CTNNA3: variants seen among roughly 807,000 people sequenced by gnomAD.
The protein encoded by CTNNA3 is catenin alpha 3, also known as catenin alpha-3.
Under a neutral mutation model 95.7 loss-of-function variants are expected in CTNNA3, and 76 were observed. That is an observed-to-expected ratio of 0.79 (90% CI 0.66 to 0.96). The LOEUF is 0.96. Ranked by LOEUF, CTNNA3 falls within the 40% of genes least tolerant of loss-of-function variation. CTNNA3 has a pLI of 0.00. For synonymous variants in CTNNA3, 431 were observed against 374.4 expected, an observed-to-expected ratio of 1.15 and a Z score of -1.74; for missense variants, 1,191 against 1,089.8, an observed-to-expected ratio of 1.09 and a Z score of -1.31.
intron 7 of CTNNA3, among the ~76,000 whole-genome samples, chr10:66,897,083 A>T (rs974066602): frequency 1.3e-5 from 2 of 152,178 alleles, no homozygotes; most frequent in African/African-American, 4.8e-5. Context: ...TGAATGAATG[A>T]GATTACCCAT....
intron 7 of CTNNA3, among the ~76,000 whole-genome samples, chr10:67,048,384 T>G (rs1027748565): frequency 2.0e-5 from 3 of 152,050 alleles, no homozygotes; most frequent in Non-Finnish European, 4.4e-5. Context: ...ATTCCTTACA[T>G]GATGATCAAC....
chr10:66,409,786 C>A (rs963296729), intron 11 of CTNNA3, among the ~76,000 whole-genome samples: 1 of 152,100 alleles, frequency 6.6e-6, no homozygotes, highest in African/African-American at 2.4e-5. Context: ...ACTTAAAATG[C>A]AACATTTAAA....
Position 66,608,463 on chromosome 10 carries a change from T to C in CTNNA3, c.1374+13229A>G, listed in dbSNP as rs564653783. Among the ~76,000 whole-genome samples, 199 of 152,174 alleles carry C rather than the reference T, an allele frequency of 1.3e-3. 1 individual carries two copies. Among genetic ancestry groups the C allele is most frequent in the African/African-American group, 4.4e-3 (183 of 41,534 alleles). On this transcript the variant is annotated intron_variant, in intron 10 of 17. Transcript: ENST00000433211. ...AAAAAAAACTATTTTAAAATTCATATGGAACAAAAAGAGCCCGAATAGCCA... is the reference window on the plus strand; with the variant it reads ...AAAAAAAACTATTTTAAAATTCATACGGAACAAAAAGAGCCCGAATAGCCA...
At chr10:66,839,911 G>T (rs1300072858) in intron 7 of CTNNA3, among the ~76,000 whole-genome samples, 2 of 152,082 alleles carry the variant, frequency 1.3e-5, no homozygotes, top group Non-Finnish European at 2.9e-5. Flanking sequence ...AATCTACACT[G>T]CCCATTCATA....
At chr10:66,896,947 T>C (rs1004589795) in intron 7 of CTNNA3, among the ~76,000 whole-genome samples, 3 of 152,178 alleles carry the variant, frequency 2.0e-5, no homozygotes, top group African/African-American at 7.2e-5. Context: ...GAGCAATCCT[T>C]GCTTTAAGTG....
chr10:66,372,137 TC>T (rs1232005972), intron 12 of CTNNA3, among the ~76,000 whole-genome samples: 1 of 152,166 alleles, frequency 6.6e-6, no homozygotes. Context: ...TCTCCAGTCT[TC>T]CTGTGTTTTT....
intron 7 of CTNNA3, among the ~76,000 whole-genome samples, chr10:67,036,270 C>T (rs1260858560): frequency 6.6e-6 from 1 of 151,784 alleles, no homozygotes; most frequent in Non-Finnish European, 1.5e-5. Flanking sequence ...CTCCACCACA[C>T]CCAGCTTTTT....
At chr10:65,955,438 G>C (rs953789008) in intron 17 of CTNNA3, among the ~76,000 whole-genome samples, 12 of 152,176 alleles carry the variant, frequency 7.9e-5, no homozygotes, top group Non-Finnish European at 1.6e-4. Flanking sequence ...AATAGGAGTG[G>C]TGAGAGAAGG....
At chr10:67,045,170 T>C (rs1375897815) in intron 7 of CTNNA3, among the ~76,000 whole-genome samples, 1 of 152,180 alleles carries the variant, frequency 6.6e-6, no homozygotes, top group African/African-American at 2.4e-5. Flanking sequence ...AAATACAAAA[T>C]GTTTTGTATT....
intron 13 of CTNNA3, among the ~76,000 whole-genome samples, chr10:66,257,061 T>G (rs1380372708): frequency 6.6e-6 from 1 of 152,088 alleles, no homozygotes; most frequent in Non-Finnish European, 1.5e-5. Flanking sequence ...AAGGGAGTCC[T>G]GCAGAATGGG....
At chr10:67,691,665 C>T (rs1185490306) in intron 1 of CTNNA3, among the ~76,000 whole-genome samples, 2 of 151,964 alleles carry the variant, frequency 1.3e-5, no homozygotes, top group African/African-American at 4.8e-5. Context: ...GCAGCCGCCC[C>T]ATCTGAGAAG....
intron 13 of CTNNA3, among the ~76,000 whole-genome samples, chr10:66,203,044 C>A (rs1437825807): frequency 6.6e-6 from 1 of 152,176 alleles, no homozygotes; most frequent in East Asian, 1.9e-4. Context: ...AGCTACGCTT[C>A]ATGGGACAAA....
chr10:67,079,936 T>G (rs550139474), intron 7 of CTNNA3, among the ~76,000 whole-genome samples: 1 of 150,270 alleles, frequency 6.7e-6, no homozygotes, highest in Admixed American at 6.6e-5. Context: ...CACAGCAGCA[T>G]GTAAGAAGTG....
intron 7 of CTNNA3, among the ~76,000 whole-genome samples, chr10:67,016,273 C>T (rs919052618): frequency 1.2e-4 from 18 of 152,218 alleles, no homozygotes; most frequent in African/African-American, 4.3e-4. Flanking sequence ...TGGAAATGTA[C>T]TGAGGAAGTT....
chr10:67,703,249 A>G (rs1841055675), intron 1 of CTNNA3, among the ~76,000 whole-genome samples: 1 of 152,210 alleles, frequency 6.6e-6, no homozygotes, highest in African/African-American at 2.4e-5. Flanking sequence ...AAATAGAAAA[A>G]GAGGGAATCC....
intron 5 of CTNNA3, among the ~76,000 whole-genome samples, chr10:67,226,214 G>GAATAAGAAAATATGAACAAATCC (rs1864906893): frequency 6.6e-6 from 1 of 152,160 alleles, no homozygotes; most frequent in African/African-American, 2.4e-5. Flanking sequence ...CCTCCAAGAA[G>GAATAAGAAAATATGAACAAATCC]TCTAGGATTA....
chr10:67,665,203 G>T (rs1840302121), intron 1 of CTNNA3, among the ~76,000 whole-genome samples: 1 of 151,272 alleles, frequency 6.6e-6, no homozygotes, highest in Non-Finnish European at 1.5e-5. Flanking sequence ...GCAGACTCGA[G>T]CCTCTGCTCA....
At position 66,953,903 on chromosome 10, in the gene CTNNA3, C is replaced by A. The variant is rs991629276; in HGVS notation, c.1048-178379G>T. ...AAATAACCCACCCATTCTGAACCTT[C>A]ATTTCCTCTGCTATAAAATCAGGAT... On this transcript the variant is annotated intron_variant, in intron 7 of 17. Transcript: ENST00000433211. Among the ~76,000 whole-genome samples, 3 of 152,166 alleles carry A rather than the reference C, an allele frequency of 2.0e-5. No individual in the cohort carries two copies. The South Asian group carries it at 6.2e-4, about 31-fold the overall frequency.
intron 5 of CTNNA3, among the ~76,000 whole-genome samples, chr10:67,250,626 G>A (rs1362748425): frequency 6.6e-6 from 1 of 152,152 alleles, no homozygotes; most frequent in African/African-American, 2.4e-5. Context: ...ACAGAGGGAT[G>A]CCTGTATATT....
Sources: allele counts gnomAD v4.1 joint callset (sites outside exome capture counted in the v4.1 genomes callset), GRCh38; gene constraint gnomAD v4.1.1; transcripts MANE v1.5; gene names NCBI Gene and HGNC (gene_info 2026-07-23, HGNC 2026-07-21).